ROBO1: variants seen among roughly 807,000 people sequenced by gnomAD.
ROBO1 encodes roundabout guidance receptor 1.
A neutral mutation model predicts 195.9 loss-of-function variants in ROBO1; 149 were observed. That is an observed-to-expected ratio of 0.76 (90% CI 0.67 to 0.87). The LOEUF is 0.87. Among genes scored for constraint, ROBO1 ranks in the 40% least tolerant of loss-of-function variants. The pLI is 0.00. For missense variants in ROBO1, 1,933 were observed against 2,068.3 expected (o/e 0.93, Z 1.27); for synonymous variants, 816 against 733.2 (o/e 1.11, Z -1.82).
In ROBO1 at chr3:79,293,465, G is replaced by A. The variant is rs943509381; in HGVS notation, c.89-167926C>T. Among the ~76,000 whole-genome samples, 5 of 151,984 alleles carry A rather than the reference G, an allele frequency of 3.3e-5. No homozygotes were observed. The South Asian group carries it at 1.0e-3, about 32-fold the overall frequency. On this transcript the variant is annotated intron_variant, in intron 2 of 30. Transcript: ENST00000464233. ...TTGCTTCTCTAGTTCTTTTAATTGT[G>A]ATTTAAGACTGTCGATTTTAGATCT...
At chr3:78,649,725 C>T (rs1398253092) in intron 19 of ROBO1, among the ~76,000 whole-genome samples, 2 of 152,082 alleles carry the variant, frequency 1.3e-5, no homozygotes, top group South Asian at 4.2e-4. Context: ...GAATCAAATG[C>T]TCATCAAATT....
intron 2 of ROBO1, among the ~76,000 whole-genome samples, chr3:79,501,931 C>CACTAT (rs1940093870): frequency 1.3e-5 from 2 of 152,162 alleles, no homozygotes; most frequent in Admixed American, 1.3e-4. Flanking sequence ...TTGTTAACAA[C>CACTAT]ACTATACTGA....
chr3:79,452,491 T>C (rs1368155340), intron 2 of ROBO1, among the ~76,000 whole-genome samples: 1 of 152,126 alleles, frequency 6.6e-6, no homozygotes, highest in Non-Finnish European at 1.5e-5. Context: ...GCATATTTCA[T>C]AATTGATTAC....
At chr3:79,084,989 A>T (rs1168409270) in intron 3 of ROBO1, among the ~76,000 whole-genome samples, 1 of 152,170 alleles carries the variant, frequency 6.6e-6, no homozygotes, top group African/African-American at 2.4e-5. Flanking sequence ...AAAAATATTG[A>T]TTTATTTATA....
intron 2 of ROBO1, among the ~76,000 whole-genome samples, chr3:79,128,685 G>A (rs555558116): frequency 7.2e-5 from 11 of 152,190 alleles, no homozygotes; most frequent in East Asian, 1.9e-4. Flanking sequence ...GTTGGAAATG[G>A]GTCAGATGGA....
chr3:78,921,746 A>G (rs2038947835), intron 4 of ROBO1, among the ~76,000 whole-genome samples: 1 of 152,160 alleles, frequency 6.6e-6, no homozygotes, highest in African/African-American at 2.4e-5. Context: ...ATTATGTACA[A>G]GGAAAACACA....
intron 1 of ROBO1, among the ~76,000 whole-genome samples, chr3:79,738,131 A>C (rs552116998): frequency 6.6e-6 from 1 of 152,274 alleles, no homozygotes; most frequent in East Asian, 1.9e-4. Flanking sequence ...ATAATTCAGT[A>C]AGTTTAACAC....
At chr3:78,745,501 C>G (rs953746490) in intron 5 of ROBO1, among the ~76,000 whole-genome samples, 4 of 151,962 alleles carry the variant, frequency 2.6e-5, no homozygotes, top group African/African-American at 9.7e-5. Context: ...GTATTCTTAC[C>G]TTCATTGTAC....
chr3:78,954,330 T>C (rs2040934471), intron 3 of ROBO1, among the ~76,000 whole-genome samples: 1 of 152,018 alleles, frequency 6.6e-6, no homozygotes, highest in African/African-American at 2.4e-5. Context: ...ACTAGTGCTT[T>C]TAAAATATTA....
chr3:78,835,635 A>C (rs1233529238), intron 4 of ROBO1, among the ~76,000 whole-genome samples: 2 of 152,210 alleles, frequency 1.3e-5, no homozygotes, highest in Non-Finnish European at 2.9e-5. Context: ...TTAAGCAGAC[A>C]ATTTGTCTAA....
chr3:78,814,962 C>T (rs566229189), intron 4 of ROBO1, among the ~76,000 whole-genome samples: 21 of 152,090 alleles, frequency 1.4e-4, no homozygotes, highest in Non-Finnish European at 2.6e-4. Flanking sequence ...TATATTGTTA[C>T]GGTGATCTGT....
chr3:79,049,577 A>T (rs1285717142), intron 3 of ROBO1, among the ~76,000 whole-genome samples: 1 of 152,098 alleles, frequency 6.6e-6, no homozygotes, highest in Non-Finnish European at 1.5e-5. Flanking sequence ...GAGAAGAGCA[A>T]CCCCAAGACA....
intron 2 of ROBO1, among the ~76,000 whole-genome samples, chr3:79,303,436 G>A (rs2033070358): frequency 1.3e-5 from 2 of 152,092 alleles, no homozygotes; most frequent in African/African-American, 4.8e-5. Context: ...AAAGTGCTGG[G>A]ATTACAGGTG....
Position 79,067,012 on chromosome 3 carries a change from T to C in ROBO1, c.172+58444A>G, listed in dbSNP as rs537968261. Among the ~76,000 whole-genome samples the C allele has an allele frequency of 6.0e-3, 912 of 152,038 alleles. 12 individuals carry two copies. Among genetic ancestry groups the C allele is most frequent in the South Asian group, 0.056 (269 of 4,820 alleles). On this transcript the variant is annotated intron_variant, in intron 3 of 30. Coordinates refer to ENST00000464233, the MANE Select transcript of ROBO1 (RefSeq NM_002941.4). ...TGCCAGGAAATGCATAAAAGGCTTC[T>C]AGAGCTGACTAGATACCATTAAAAA...
chr3:79,125,629 T>G, intron 2 of ROBO1, 90 bp from the exon 3 acceptor site: 1 of 942,026 alleles, frequency 1.1e-6, no homozygotes, highest in South Asian at 1.4e-5. Context: ...CACAAGTAAA[T>G]CCACATGTGA....
intron 4 of ROBO1, among the ~76,000 whole-genome samples, chr3:78,768,648 C>CT (rs71631617): frequency 5.8e-4 from 84 of 146,018 alleles, no homozygotes; most frequent in African/African-American, 1.6e-3. Context: ...GCAGTATGTT[C>CT]TTTTTTTTTT....
At chr3:78,941,664 C>T (rs561006937) in intron 3 of ROBO1, among the ~76,000 whole-genome samples, 57 of 152,138 alleles carry the variant, frequency 3.7e-4, no homozygotes, top group Admixed American at 1.1e-3. Context: ...GAGTCAGAAA[C>T]GGAAGACAGG....
intron 3 of ROBO1, among the ~76,000 whole-genome samples, chr3:78,951,459 C>T (rs1275140977): frequency 6.6e-6 from 1 of 151,984 alleles, no homozygotes; most frequent in Non-Finnish European, 1.5e-5. Flanking sequence ...GAACCAACTT[C>T]CAGGTTTCAA....
chr3:78,735,366 G>A (rs2082370405), intron 5 of ROBO1, among the ~76,000 whole-genome samples: 1 of 152,120 alleles, frequency 6.6e-6, no homozygotes, highest in South Asian at 2.1e-4. Flanking sequence ...TTCAACAATT[G>A]ACCAGACTTG....
Sources: gnomAD v4.1 joint callset for allele counts (sites outside exome capture counted in the v4.1 genomes callset) on GRCh38, gnomAD v4.1.1 for gene constraint, MANE v1.5 for transcripts, NCBI Gene and HGNC (gene_info 2026-07-23, HGNC 2026-07-21) for gene names.